Variants in LMO7 observed in about 807,000 individuals in gnomAD.
LMO7 encodes the protein LIM domain only protein 7.
LMO7 carries 120 observed loss-of-function variants against 206.5 expected under a neutral mutation model. The ratio of observed to expected loss-of-function variants is 0.58; its 90% CI spans 0.50 to 0.68. LMO7 has a LOEUF of 0.68. LMO7 is among the 30% of genes least tolerant of loss of function. The pLI, the probability that LMO7 is intolerant of heterozygous loss-of-function variation, is 0.00. For missense variants in LMO7, 1,959 were observed against 1,957.9 expected (o/e 1.00, Z -0.01); for synonymous variants, 706 against 681.5 (o/e 1.04, Z -0.56).
At chr13:75,699,482 C>T (rs1456163027) in intron 1 of LMO7, among the ~76,000 whole-genome samples, 1 of 150,712 alleles carries the variant, frequency 6.6e-6, no homozygotes, top group Non-Finnish European at 1.5e-5. Flanking sequence ...TCTATTTTCC[C>T]TAAGTGTCGG....
At chr13:75,804,665 G>T in intron 8 of LMO7, 124 bp downstream of exon 8, 1 of 1,231,366 alleles carries the variant, frequency 8.1e-7, no homozygotes, top group South Asian at 1.7e-5. Context: ...TGACTAGTGA[G>T]AATATTTTTC....
At position 75,853,269 on chromosome 13, in the gene LMO7, G is replaced by T; in HGVS notation, c.4542G>T (p.Val1514=). Residue 1514 remains valine (V), a synonymous_variant, in exon 28 of 31, where the codon GTG becomes GTT. Transcript: ENST00000377534. ...ACATGCGGAACCCCTCCTCCAGCGT[G>T]CCCCCACCTTCAGCTGGCTCCGTGA... The part of the protein sequence containing the change: ...RAYMRNPSSS[V]PPPSAGSVKT... 6.2e-7 allele frequency: 1 copy of T among 1,613,910 alleles called. No individual in the cohort carries two copies. The highest frequency in any genetic ancestry group is 8.5e-7 in the Non-Finnish European group (1 of 1,179,970).
intron 4 of LMO7, among the ~76,000 whole-genome samples, chr13:75,768,398 A>G (rs879695951): frequency 6.6e-6 from 1 of 152,138 alleles, no homozygotes; most frequent in African/African-American, 2.4e-5. Flanking sequence ...TTATTAGAAT[A>G]GCAAAGCTGG....
chr13:75,707,627 C>G (rs2042756939), intron 1 of LMO7, among the ~76,000 whole-genome samples: 1 of 152,038 alleles, frequency 6.6e-6, no homozygotes. Flanking sequence ...CCACAAATTA[C>G]CTTCTAGAAT....
chr13:75,704,253 C>A (rs1444437371), intron 1 of LMO7, among the ~76,000 whole-genome samples: 1 of 152,132 alleles, frequency 6.6e-6, no homozygotes, highest in Non-Finnish European at 1.5e-5. Context: ...AAAATTATGG[C>A]AAACATGGCT....
chr13:75,736,604 G>T (rs572541349), intron 3 of LMO7, among the ~76,000 whole-genome samples: 1 of 152,300 alleles, frequency 6.6e-6, no homozygotes, highest in South Asian at 2.1e-4. Flanking sequence ...ATCTCAAAGA[G>T]TTTACATTCT....
rs1387911731 is a variant in LMO7, at chr13:75,677,904, G to A, written c.70-35278G>A. ...GAGAACATGCAGTGTTTGGTTTTTT[G>A]TCCTTGCGATAGTTTGCTGAGAATG... On this transcript the variant is annotated intron_variant, in intron 1 of 30. Transcript: ENST00000377534. 6.8e-5 allele frequency among the ~76,000 whole-genome samples: 10 copies of A among 146,784 alleles called. No individual in the cohort carries two copies. In the Admixed American group the frequency reaches 7.1e-4, roughly 10 times the overall value.
At chr13:75,827,851 A>C (rs1490573560) in intron 15 of LMO7, among the ~76,000 whole-genome samples, 1 of 152,208 alleles carries the variant, frequency 6.6e-6, no homozygotes, top group Non-Finnish European at 1.5e-5. Flanking sequence ...GAAGGAAGGA[A>C]GCTTTCTGCA....
intron 3 of LMO7, among the ~76,000 whole-genome samples, chr13:75,752,801 T>G (rs765310686): frequency 3.9e-5 from 6 of 152,246 alleles, no homozygotes; most frequent in Non-Finnish European, 8.8e-5. Context: ...CCATTGTGGA[T>G]GTATACCACA....
intron 3 of LMO7, among the ~76,000 whole-genome samples, chr13:75,755,674 G>A (rs1392842575): frequency 6.6e-6 from 1 of 152,078 alleles, no homozygotes; most frequent in Non-Finnish European, 1.5e-5. Flanking sequence ...ATTTCTAAAC[G>A]TTTATTTTTC....
chr13:75,644,666 T>C (rs2036856242), intron 1 of LMO7, among the ~76,000 whole-genome samples: 1 of 152,208 alleles, frequency 6.6e-6, no homozygotes, highest in South Asian at 2.1e-4. Flanking sequence ...TCTTGCTCTG[T>C]TGCCCAGGCT....
chr13:75,709,075 G>A (rs1272905594), intron 1 of LMO7, among the ~76,000 whole-genome samples: 11 of 151,880 alleles, frequency 7.2e-5, no homozygotes, highest in Non-Finnish European at 8.8e-5. Context: ...GCGATAGTTT[G>A]CTGAGAATGA....
Position 75,804,360 on chromosome 13 carries a change from C to A in LMO7, c.733C>A (p.Arg245=), listed in dbSNP as rs1307078638. 6.2e-7 allele frequency: 1 copy of A among 1,614,028 alleles called. No homozygotes were observed. Among genetic ancestry groups the A allele is most frequent in the African/African-American group, 1.3e-5 (1 of 75,026 alleles). ...TTATAATAAAGATGATATGTCGTAT[C>A]GAAGGATTTCGGCTGTTGAGCCAAA... The part of the protein sequence containing the change: ...QDYNKDDMSY[R]RISAVEPKTA... The change falls in exon 8 of 31, where the codon CGA becomes AGA. Residue 245 remains arginine (R), a synonymous_variant. Transcript: ENST00000377534.
At chr13:75,808,823 T>C (rs2055909538) in intron 10 of LMO7, among the ~76,000 whole-genome samples, 1 of 152,212 alleles carries the variant, frequency 6.6e-6, no homozygotes, top group Admixed American at 6.5e-5. Flanking sequence ...AATGTTCAGT[T>C]TGTGGAACTT....
At chr13:75,644,066 A>G (rs1157220873) in intron 1 of LMO7, among the ~76,000 whole-genome samples, 1 of 152,156 alleles carries the variant, frequency 6.6e-6, no homozygotes, top group Non-Finnish European at 1.5e-5. Flanking sequence ...TATTCTGAAG[A>G]TCTTTCTATG....
At chr13:75,822,777 T>C (rs932316819) in intron 14 of LMO7, among the ~76,000 whole-genome samples, 6 of 102,824 alleles carry the variant, frequency 5.8e-5, no homozygotes, top group African/African-American at 1.4e-4. Flanking sequence ...TATATATATA[T>C]ATATATATAT....
chr13:75,827,859 G>T (rs1421820326), intron 15 of LMO7, among the ~76,000 whole-genome samples: 3 of 152,208 alleles, frequency 2.0e-5, no homozygotes, highest in African/African-American at 7.2e-5. Flanking sequence ...GAAGCTTTCT[G>T]CATGTCCATT....
chr13:75,801,607 T>G (rs2054739578), intron 7 of LMO7, among the ~76,000 whole-genome samples: 1 of 152,232 alleles, frequency 6.6e-6, no homozygotes, highest in Non-Finnish European at 1.5e-5. Flanking sequence ...CTGTGGCTAC[T>G]GGGTATAGCG....
intron 9 of LMO7, 58 bp downstream of exon 9, chr13:75,805,818 T>A: frequency 6.6e-7 from 1 of 1,518,716 alleles, no homozygotes; most frequent in South Asian, 1.2e-5. Flanking sequence ...CCAGCTGGGG[T>A]TCTATGTGCA....
Sources: gnomAD v4.1 joint callset for allele counts (sites outside exome capture counted in the v4.1 genomes callset) on GRCh38, gnomAD v4.1.1 for gene constraint, MANE v1.5 for transcripts, NCBI Gene and HGNC (gene_info 2026-07-23, HGNC 2026-07-21) for gene names.